Variants in YTHDF1 observed in about 807,000 individuals in gnomAD.
YTHDF1 encodes YTH N6-methyladenosine RNA binding protein F1, also known as YTH domain-containing family protein 1.
In YTHDF1, 16 loss-of-function variants were observed where a neutral mutation model predicts 49.1. The ratio of observed to expected loss-of-function variants is 0.33; its 90% confidence interval spans 0.22 to 0.49. The LOEUF is 0.49. YTHDF1 is among the 20% of genes least tolerant of loss of function. The probability of loss-of-function intolerance (pLI) is 0.99; values close to 1 mark genes in which losing one functional copy is unlikely to be tolerated. For missense variants in YTHDF1, 621 were observed against 744.3 expected (o/e 0.83, Z 1.93); for synonymous variants, 313 against 290.1 (o/e 1.08, Z -0.80).
At position 63,215,919 on chromosome 20, in the gene YTHDF1, CG is replaced by C. The variant is rs1223464561; in HGVS notation, c.-28del. ...CTTCATGAACAACTAGACGCGGGGC[CG>C]GGGCGCCCGCCGGCTCGGGCCTCCC... On this transcript the variant is annotated 5_prime_UTR_variant, in exon 1 of 5. Transcript: ENST00000370339. 1.5e-6 allele frequency: 2 copies of C among 1,372,096 alleles called. No homozygotes were observed. The highest frequency in any genetic ancestry group is 1.9e-6 in the Non-Finnish European group (2 of 1,056,436). 85.0% of individuals were successfully genotyped at this position (1,372,096 alleles called of 1,614,324 possible). A position where few individuals can be genotyped will look rare whatever the true frequency, so the allele number is the denominator to read the frequency against.
chr20:63,200,978 G>C (rs2066514526), intron 4 of YTHDF1, among the ~76,000 whole-genome samples: 1 of 151,940 alleles, frequency 6.6e-6, no homozygotes, highest in Non-Finnish European at 1.5e-5. Flanking sequence ...CCAGGAGGTG[G>C]AGGTTGCAGT....
In YTHDF1 at chr20:63,195,590, G is replaced by A. The variant is rs1478326196; in HGVS notation, c.*1118C>T. 1 of 152,612 alleles carries A rather than the reference G, an allele frequency of 6.6e-6. No individual in the cohort carries two copies. Among genetic ancestry groups the A allele is most frequent in the Non-Finnish European group, 1.5e-5 (1 of 68,056 alleles). The allele number at this position is 152,612 out of a possible 1,614,324, so 9.5% of individuals were successfully genotyped here. ...ACGTTAACTCAGAGGGTCTTTTGGA[G>A]CAAGTAGTTTTCAGAAAGCGTCTGC... is the stretch of plus-strand genomic sequence containing the variant. On this transcript the variant is annotated 3_prime_UTR_variant, in exon 5 of 5. Coordinates refer to ENST00000370339, the MANE Select transcript of YTHDF1 (RefSeq NM_017798.4).
intron 2 of YTHDF1, among the ~76,000 whole-genome samples, chr20:63,214,934 C>T (rs2066594085): frequency 6.6e-6 from 1 of 152,194 alleles, no homozygotes; most frequent in African/African-American, 2.4e-5. Flanking sequence ...TCCTTTTACA[C>T]CACTTACCTT....
intron 4 of YTHDF1, among the ~76,000 whole-genome samples, chr20:63,197,197 C>T (rs750037402): frequency 6.6e-6 from 1 of 152,228 alleles, no homozygotes; most frequent in Non-Finnish European, 1.5e-5. Context: ...GCACAAAGGA[C>T]ACCAAAATCC....
chr20:63,196,593 CA>C lies in YTHDF1; in HGVS notation c.*114del. 8.1e-7 allele frequency: 1 copy of C among 1,240,650 alleles called. No homozygotes were observed. The highest frequency in any genetic ancestry group is 2.4e-5 in the East Asian group (1 of 41,106). The allele number at this position is 1,240,650 out of a possible 1,614,324, so 76.9% of individuals were successfully genotyped here. A position where few individuals can be genotyped will look rare whatever the true frequency, so the allele number is the denominator to read the frequency against. On this transcript the variant is annotated 3_prime_UTR_variant, in exon 5 of 5. Transcript: ENST00000370339. ...GGGCAAAAATCAACGACAAGAAAGG[CA>C]AAGATGCAACACTCAACCCCCGCAC...
intron 3 of YTHDF1, among the ~76,000 whole-genome samples, chr20:63,212,514 C>T (rs139665951): frequency 6.2e-4 from 95 of 152,338 alleles, no homozygotes; most frequent in Non-Finnish European, 1.1e-3. Flanking sequence ...ATGGAGCACT[C>T]AGAGCATCTG....
chr20:63,212,007 A>T (rs1000055964), intron 3 of YTHDF1, among the ~76,000 whole-genome samples: 77 of 141,492 alleles, frequency 5.4e-4, no homozygotes, highest in African/African-American at 1.9e-3. Context: ...ACACACACAC[A>T]CTTTTAAGTG....
chr20:63,200,599 A>G (rs950615530), intron 4 of YTHDF1, among the ~76,000 whole-genome samples: 23 of 152,170 alleles, frequency 1.5e-4, no homozygotes, highest in African/African-American at 5.3e-4. Context: ...CTGCAGGCAG[A>G]TGCCCACAGA....
rs113816855 is a variant in YTHDF1, at chr20:63,197,855, C to G, written c.1654-1121G>C. ...GCGGGCAGGACACCCAAACATTTAA[C>G]CTGAAACCTCCTCTTTTGCTAAAAA... On this transcript the variant is annotated intron_variant, in intron 4 of 4. Transcript: ENST00000370339. Among the ~76,000 whole-genome samples, 1,115 of 152,212 alleles carry G rather than the reference C, an allele frequency of 7.3e-3. 13 individuals are homozygous for G. Among genetic ancestry groups the G allele is most frequent in the African/African-American group, 0.024 (1,015 of 41,516 alleles).
intron 3 of YTHDF1, among the ~76,000 whole-genome samples, chr20:63,207,561 G>C (rs939727635): frequency 1.3e-5 from 2 of 149,688 alleles, no homozygotes; most frequent in African/African-American, 2.5e-5. Flanking sequence ...TCGTAAATGA[G>C]TGGCATAAAC....
rs1384260995 is a variant in YTHDF1, at chr20:63,195,557, C to A, written c.*1151G>T. On this transcript the variant is annotated 3_prime_UTR_variant, in exon 5 of 5. Transcript: ENST00000370339. ...CGCTCTAAATACAAGTCTAATGATACAGCTGAAACGTTAACTCAGAGGGTC... is the reference window on the plus strand; with the variant it reads ...CGCTCTAAATACAAGTCTAATGATAAAGCTGAAACGTTAACTCAGAGGGTC... 1 of 152,660 alleles carries A rather than the reference C, an allele frequency of 6.6e-6. No homozygotes were observed. Among genetic ancestry groups the A allele is most frequent in the South Asian group, 2.1e-4 (1 of 4,822 alleles). 9.5% of individuals were successfully genotyped at this position (152,660 alleles called of 1,614,324 possible).
At position 63,202,413 on chromosome 20, in the gene YTHDF1, C is replaced by G; in HGVS notation, c.1527G>C (p.Gln509His). The G allele has an allele frequency of 6.2e-7, 1 of 1,614,278 alleles. No homozygotes were observed. The highest frequency in any genetic ancestry group is 8.5e-7 in the Non-Finnish European group (1 of 1,180,048). ...NKPVTNSRDT[Q>H]EVPLEKAKQV... ...GCTTGGCTTTTTCTAAGGGCACCTC[C>G]TGGGTGTCCCGGGAGTTTGTGACCG... The change falls in exon 4 of 5, where the codon CAG becomes CAC. Residue 509 changes from glutamine (Q) to histidine (H), a missense_variant. By Grantham distance (24) the Gln-to-His change is conservative (BLOSUM62 0). This residue lies in a region of YTHDF1 where 151 missense variants were observed against 248.5 expected (regional missense o/e 0.61). Coordinates refer to ENST00000370339, the MANE Select transcript of YTHDF1 (RefSeq NM_017798.4).
intron 3 of YTHDF1, among the ~76,000 whole-genome samples, chr20:63,210,858 T>C (rs1341231396): frequency 6.6e-6 from 1 of 152,104 alleles, no homozygotes; most frequent in Non-Finnish European, 1.5e-5. Flanking sequence ...CCAGTTCCTC[T>C]GCTCCCCCAA....
chr20:63,215,679 C>G (rs1242871287), intron 1 of YTHDF1, 78 bp from the exon 2 acceptor site: 1 of 1,512,454 alleles, frequency 6.6e-7, no homozygotes, highest in South Asian at 1.3e-5. Flanking sequence ...CACCAGAGAA[C>G]TGGTCTCCAA....
At chr20:63,204,293 G>A (rs1179317419) in intron 3 of YTHDF1, among the ~76,000 whole-genome samples, 3 of 152,250 alleles carry the variant, frequency 2.0e-5, no homozygotes, top group African/African-American at 7.2e-5. Context: ...CCCCAAGCTC[G>A]CTGATTACTC....
intron 3 of YTHDF1, among the ~76,000 whole-genome samples, chr20:63,212,251 G>C (rs1032812356): frequency 6.6e-5 from 10 of 152,120 alleles, no homozygotes; most frequent in African/African-American, 9.7e-5. Flanking sequence ...GTCGGAGCGC[G>C]GGGCAGCGCT....
At chr20:63,205,819 C>G (rs1046222610) in intron 3 of YTHDF1, among the ~76,000 whole-genome samples, 17 of 152,284 alleles carry the variant, frequency 1.1e-4, no homozygotes, top group African/African-American at 3.9e-4. Context: ...CCAGAATCAT[C>G]TTTTAAAATG....
chr20:63,199,529 A>C (rs981283043), intron 4 of YTHDF1, among the ~76,000 whole-genome samples: 3 of 151,284 alleles, frequency 2.0e-5, no homozygotes, highest in Admixed American at 2.0e-4. Context: ...AAAAAAAAAA[A>C]AAACAAAACA....
chr20:63,215,622 A>C (rs1479606836), intron 1 of YTHDF1, 21 bp from the exon 2 acceptor site: 5 of 1,605,498 alleles, frequency 3.1e-6, no homozygotes, highest in Admixed American at 3.4e-5. Context: ...GCAGGCCGGG[A>C]CGTGGGGTAC....
Sources: gnomAD v4.1 joint callset for allele counts (sites outside exome capture counted in the v4.1 genomes callset) on GRCh38, gnomAD v4.1.1 for gene constraint, gnomAD v4.1.1 regional missense constraint, MANE v1.5 for transcripts, NCBI Gene and HGNC (gene_info 2026-07-23, HGNC 2026-07-21) for gene names.